The following PTCD3 variants were observed in gnomAD, a reference collection of about 807,000 sequenced individuals.
The protein encoded by PTCD3 is small ribosomal subunit protein mS39.
Under a neutral mutation model 101.9 loss-of-function variants are expected in PTCD3, and 89 were observed. The ratio of observed to expected loss-of-function variants is 0.87; its 90% confidence interval spans 0.74 to 1.04. The LOEUF is 1.04. PTCD3 is among the 50% of genes least tolerant of loss of function. The pLI, the probability that PTCD3 is intolerant of heterozygous loss-of-function variation, is 0.00. For synonymous variants in PTCD3, 296 were observed against 278.5 expected, an observed-to-expected ratio of 1.06 and a Z score of -0.63; for missense variants, 870 against 828.2, an observed-to-expected ratio of 1.05 and a Z score of -0.62.
intron 4 of PTCD3, chr2:86,112,044 T>TTTC: frequency 8.3e-6 from 1 of 119,928 alleles, no homozygotes; most frequent in Non-Finnish European, 1.6e-5. Flanking sequence ...GCGCCAAACT[T>TTTC]TTTTTTTTTT....
intron 8 of PTCD3, among the ~76,000 whole-genome samples, chr2:86,122,551 A>G (rs1425625931): frequency 7.8e-6 from 1 of 128,004 alleles, no homozygotes; most frequent in Non-Finnish European, 1.6e-5. Context: ...AGCTGGGACC[A>G]CAAGTGTGGG....
intron 1 of PTCD3, 40 bp from the exon 2 acceptor site, chr2:86,108,310 A>G (rs970815566): frequency 2.5e-6 from 4 of 1,588,552 alleles, no homozygotes; most frequent in South Asian, 1.2e-5. Flanking sequence ...TGGGTACTTC[A>G]TTAATGACTA....
rs750686725 is a variant in PTCD3, at chr2:86,130,678, T to C, written c.1178T>C (p.Ile393Thr). The C allele has an allele frequency of 6.2e-6, 10 of 1,613,594 alleles. No homozygotes were observed. The South Asian group carries it at 9.9e-5, about 16-fold the overall frequency. The change falls in exon 15 of 24, where the codon ATT (isoleucine) becomes ACT (threonine). Residue 393 changes from isoleucine (I) to threonine (T), a missense_variant. Transcript: ENST00000254630. ...CCTTTAAAGAGATCATCCTTCATCA[T>C]TTATGATATAATGAATGAATTAATG... ...GDPLKRSSFI[I>T]YDIMNELMGK...
intron 3 of PTCD3, among the ~76,000 whole-genome samples, chr2:86,109,363 C>T (rs553289291): frequency 2.0e-4 from 30 of 150,546 alleles, no homozygotes; most frequent in African/African-American, 6.8e-4. Flanking sequence ...GCCGAGGTCG[C>T]GCCACTGCAC....
At chr2:86,118,820 G>A (rs1459742797) in intron 6 of PTCD3, 101 bp from the exon 7 acceptor site, 1 of 1,338,634 alleles carries the variant, frequency 7.5e-7, no homozygotes, top group African/African-American at 1.5e-5. Flanking sequence ...GAGCAGTGAA[G>A]TTTTACTTTG....
At chr2:86,130,534 G>C (rs933438099) in intron 14 of PTCD3, 114 bp from the exon 15 acceptor site, 213 of 1,475,662 alleles carry the variant, frequency 1.4e-4, no homozygotes, top group Non-Finnish European at 1.9e-4. Flanking sequence ...AGATCTATGC[G>C]AGGACTTAGG....
intron 13 of PTCD3, chr2:86,127,701 C>G (rs1674421729): frequency 1.9e-6 from 1 of 527,522 alleles, no homozygotes; most frequent in African/African-American, 1.9e-5. Flanking sequence ...TTTTACTGTT[C>G]TCAGTGAAGA....
chr2:86,132,962 G>T lies in PTCD3; in HGVS notation c.1374-216G>T, dbSNP rs1243842337. 27 of 625,400 alleles carry T rather than the reference G, an allele frequency of 4.3e-5. No individual in the cohort carries two copies. The East Asian group carries it at 7.5e-4, about 17-fold the overall frequency. 38.7% of individuals were successfully genotyped at this position (625,400 alleles called of 1,614,324 possible). On this transcript the variant is annotated intron_variant, in intron 17 of 23. Coordinates refer to ENST00000254630, the MANE Select transcript of PTCD3 (RefSeq NM_017952.6). ...CACCATGACCTAAGAGTATACAGAG[G>T]AAACAGTTAGAAATGACCAGTTGAG...
Position 86,123,773 on chromosome 2 carries a change from C to A in PTCD3, c.716+11C>A, listed in dbSNP as rs767155437. ...TGGAGTTACATGGCGGTATGTCACA[C>A]GTAATTAGAACCTTGAATTACAGTG... On this transcript the variant is annotated intron_variant, in intron 9 of 23. Coordinates refer to ENST00000254630, the MANE Select transcript of PTCD3 (RefSeq NM_017952.6). 1.3e-5 allele frequency: 21 copies of A among 1,581,846 alleles called. 1 individual carries two copies. The South Asian group carries it at 2.4e-4, about 18-fold the overall frequency.
intron 16 of PTCD3, among the ~76,000 whole-genome samples, chr2:86,131,800 A>C (rs1445397605): frequency 6.6e-6 from 1 of 152,234 alleles, no homozygotes; most frequent in Non-Finnish European, 1.5e-5. Flanking sequence ...TTTCCATGGC[A>C]AAAACCGCAA....
intron 8 of PTCD3, among the ~76,000 whole-genome samples, chr2:86,122,578 GTT>G (rs34418351): frequency 7.6e-6 from 1 of 131,516 alleles, no homozygotes; most frequent in Non-Finnish European, 1.6e-5. Flanking sequence ...TGTCTGGCTA[GTT>G]TTTTTTGGGG....
intron 3 of PTCD3, among the ~76,000 whole-genome samples, chr2:86,110,427 C>T (rs1416779597): frequency 6.6e-6 from 1 of 152,112 alleles, no homozygotes; most frequent in Non-Finnish European, 1.5e-5. Context: ...GTATAATTCC[C>T]TTTTGGAAAG....
intron 6 of PTCD3, among the ~76,000 whole-genome samples, chr2:86,118,380 CTCA>C (rs1294697620): frequency 6.6e-6 from 1 of 152,320 alleles, no homozygotes; most frequent in East Asian, 1.9e-4. Context: ...TAATCTCAGA[CTCA>C]TCATATCTAA....
At chr2:86,136,737 A>G (rs1289284466) in intron 22 of PTCD3, 175 bp downstream of exon 22, 4 of 798,430 alleles carry the variant, frequency 5.0e-6, no homozygotes, top group Admixed American at 2.4e-5. Flanking sequence ...GTGTTGACGG[A>G]TCATCATACA....
intron 9 of PTCD3, among the ~76,000 whole-genome samples, chr2:86,124,129 G>C (rs1674340460): frequency 6.6e-6 from 1 of 152,116 alleles, no homozygotes; most frequent in Non-Finnish European, 1.5e-5. Context: ...ATGGACACTA[G>C]AGTGTACTGC....
intron 19 of PTCD3, 72 bp downstream of exon 19, chr2:86,133,508 A>T (rs1046062957): frequency 2.2e-5 from 31 of 1,389,008 alleles, no homozygotes; most frequent in Non-Finnish European, 2.7e-5. Flanking sequence ...GAATGTGCTA[A>T]CATTACTGTT....
At chr2:86,116,676 A>G (rs1296291587) in intron 5 of PTCD3, 78 bp downstream of exon 5, 71 of 1,095,300 alleles carry the variant, frequency 6.5e-5, no homozygotes, top group East Asian at 6.4e-4. Context: ...TTTAGTTGTA[A>G]TAACCTGGGA....
chr2:86,114,140 A>G (rs541658243), intron 4 of PTCD3, among the ~76,000 whole-genome samples: 1 of 152,346 alleles, frequency 6.6e-6, no homozygotes, highest in East Asian at 1.9e-4. Flanking sequence ...ATTCAGCAAC[A>G]ATATTTTGTG....
chr2:86,123,096 A>T (rs1674321300), intron 8 of PTCD3, among the ~76,000 whole-genome samples: 1 of 142,290 alleles, frequency 7.0e-6, no homozygotes, highest in Non-Finnish European at 1.6e-5. Context: ...CGTCCCTACT[A>T]AAAAAAATAC....
Sources: gnomAD v4.1 joint callset for allele counts (sites outside exome capture counted in the v4.1 genomes callset) on GRCh38, gnomAD v4.1.1 for gene constraint, MANE v1.5 for transcripts, NCBI Gene and HGNC (gene_info 2026-07-23, HGNC 2026-07-21) for gene names.